The following PSME4 variants were observed in gnomAD, a reference collection of about 807,000 sequenced individuals.
PSME4 encodes proteasome activator complex subunit 4.
A neutral mutation model predicts 253.9 loss-of-function variants in PSME4; 89 were observed. The observed-to-expected ratio is 0.35, with a 90% CI of 0.30 to 0.42. PSME4 has a LOEUF of 0.42. PSME4 is among the 10% of genes least tolerant of loss of function. PSME4 has a pLI of 1.00. For missense variants in PSME4, 2,014 were observed against 2,195.2 expected (o/e 0.92, Z 1.65); for synonymous variants, 851 against 759.2 (o/e 1.12, Z -1.99).
At position 53,900,101 on chromosome 2, in the gene PSME4, G is replaced by GA. The variant is rs1416344914; in HGVS notation, c.3286-85dup. The GA allele has an allele frequency of 2.0e-5, 25 of 1,256,240 alleles. No homozygotes were observed. In the South Asian group the frequency reaches 2.9e-4, roughly 15 times the overall value. 77.8% of individuals were successfully genotyped at this position (1,256,240 alleles called of 1,614,324 possible). A position where few individuals can be genotyped will look rare whatever the true frequency, so the allele number is the denominator to read the frequency against. On this transcript the variant is annotated intron_variant, in intron 28 of 46. Transcript: ENST00000404125. The stretch of plus-strand genomic sequence containing the variant: ...GAACCTTGAAAATGTCATGCTAAGT[G>GA]AAAGAGGCCAGACACAAAAGTCCAC...
rs139295214 is a variant in PSME4 at position 53,895,659 on chromosome 2, T to C, written c.3766A>G (p.Ile1256Val). 7.9e-5 allele frequency: 127 copies of C among 1,613,650 alleles called. No homozygotes were observed. Among genetic ancestry groups the C allele is most frequent in the Non-Finnish European group, 1.0e-4 (120 of 1,179,844 alleles). ...TCCCATTCTTTTTTAGTTCTTGGTA[T>C]AGTTTTGCTGTCATAATGCAACCAA... ...NHWLHYDSKT[I>V]PRTKKEWESS... Residue 1256 changes from isoleucine to valine, a missense_variant, in exon 33 of 47, where the codon ATA becomes GTA. Coordinates refer to ENST00000404125, the MANE Select transcript of PSME4 (RefSeq NM_014614.3).
At chr2:53,885,423 C>T in intron 41 of PSME4, among the ~76,000 whole-genome samples, 1 of 152,168 alleles carries the variant, frequency 6.6e-6, no homozygotes, top group South Asian at 2.1e-4. Flanking sequence ...CTCTAATCTG[C>T]TATTACTCAG....
chr2:53,936,350 T>C (rs948735805), intron 6 of PSME4, among the ~76,000 whole-genome samples, 189 bp from the exon 7 acceptor site: 3 of 152,172 alleles, frequency 2.0e-5, no homozygotes, highest in African/African-American at 7.2e-5. Flanking sequence ...TTAAAATCAG[T>C]TGCAGTTAAA....
chr2:53,874,651 T>C (rs1246501041), intron 42 of PSME4, among the ~76,000 whole-genome samples, 157 bp from the exon 43 acceptor site: 2 of 152,140 alleles, frequency 1.3e-5, no homozygotes, highest in African/African-American at 2.4e-5. Context: ...AAATAAAAGG[T>C]TGAATGAGGC....
At chr2:53,906,455 T>C in intron 26 of PSME4, 143 bp downstream of exon 26, 1 of 1,274,230 alleles carries the variant, frequency 7.8e-7, no homozygotes, top group East Asian at 2.7e-5. Context: ...AGGTAATTAC[T>C]GGAAATTACA....
intron 18 of PSME4, 76 bp downstream of exon 18, chr2:53,920,813 G>GA: frequency 1.6e-6 from 2 of 1,254,288 alleles, no homozygotes; most frequent in South Asian, 1.3e-5. Context: ...ACATATGCAA[G>GA]AAAAAATAAC....
At chr2:53,969,142 A>G (rs1302655014) in intron 1 of PSME4, among the ~76,000 whole-genome samples, 1 of 152,174 alleles carries the variant, frequency 6.6e-6, no homozygotes, top group South Asian at 2.1e-4. Flanking sequence ...AACTATTTAT[A>G]AAATATTCTT....
intron 20 of PSME4, among the ~76,000 whole-genome samples, chr2:53,915,968 G>C (rs539681755): frequency 6.6e-6 from 1 of 152,120 alleles, no homozygotes; most frequent in East Asian, 1.9e-4. Context: ...CTGGCTACTT[G>C]AGAATGTGAG....
chr2:53,898,969 T>C (rs1206210784), intron 29 of PSME4, among the ~76,000 whole-genome samples: 1 of 152,118 alleles, frequency 6.6e-6, no homozygotes, highest in Non-Finnish European at 1.5e-5. Context: ...ATGACTGATG[T>C]GTACCAGTTA....
Position 53,901,428 on chromosome 2 carries a change from C to T in PSME4, c.3207G>A (p.Lys1069=). Residue 1069 remains lysine, a synonymous_variant, in exon 28 of 47, where the codon AAG becomes AAA. Transcript: ENST00000404125. ...SGLSQAMSLE[K]PSIVRLFDDL... ...CATCAAACAATCTCACTATTGATGG[C>T]TTTTCCAGGGACATTGCTTGGCTAA... is the stretch of plus-strand genomic sequence containing the variant. 4 of 1,614,124 alleles carry T rather than the reference C, an allele frequency of 2.5e-6. No homozygotes were observed. The African/African-American group carries it at 4.0e-5, about 16-fold the overall frequency.
At chr2:53,943,437 C>A (rs927060683) in intron 3 of PSME4, among the ~76,000 whole-genome samples, 1 of 152,184 alleles carries the variant, frequency 6.6e-6, no homozygotes, top group African/African-American at 2.4e-5. Context: ...TTATCCATCT[C>A]ATATCTTATC....
chr2:53,934,524 T>C (rs1196780769), intron 8 of PSME4, 81 bp downstream of exon 8: 14 of 1,430,620 alleles, frequency 9.8e-6, no homozygotes, highest in Non-Finnish European at 1.2e-5. Context: ...TATTATCAAC[T>C]TCTGCGACTA....
In PSME4 at chr2:53,892,578, A is replaced by AT. The variant is rs1161967877; in HGVS notation, c.4191+229dup. Among the ~76,000 whole-genome samples, 9 of 152,136 alleles carry AT rather than the reference A, an allele frequency of 5.9e-5. No homozygotes were observed. The East Asian group carries it at 1.4e-3, about 23-fold the overall frequency. On this transcript the variant is annotated intron_variant, in intron 36 of 46. Coordinates refer to ENST00000404125, the MANE Select transcript of PSME4 (RefSeq NM_014614.3). The stretch of plus-strand genomic sequence containing the variant: ...GGAATTCTTTTTTAATTTTTTTTAA[A>AT]TTTTTTCCCCCAATGTGGATAAAAA...
intron 31 of PSME4, among the ~76,000 whole-genome samples, chr2:53,897,259 T>A (rs1250349883): frequency 7.8e-6 from 1 of 128,520 alleles, no homozygotes; most frequent in Non-Finnish European, 1.6e-5. Context: ...AACCTCCCCC[T>A]CCCGGGTTCA....
At chr2:53,937,810 C>G (rs913307100) in intron 4 of PSME4, among the ~76,000 whole-genome samples, 1 of 152,018 alleles carries the variant, frequency 6.6e-6, no homozygotes, top group Admixed American at 6.6e-5. Context: ...TTGGCTTGGG[C>G]AAAATGGCAA....
At chr2:53,913,081 C>T (rs1258007117) in intron 20 of PSME4, among the ~76,000 whole-genome samples, 1 of 152,120 alleles carries the variant, frequency 6.6e-6, no homozygotes, top group African/African-American at 2.4e-5. Context: ...TTTTACAAAC[C>T]ATAGTATCAT....
chr2:53,934,533 T>A (rs1452155062), intron 8 of PSME4, 72 bp downstream of exon 8: 7 of 1,479,222 alleles, frequency 4.7e-6, no homozygotes, highest in Non-Finnish European at 6.4e-6. Context: ...CTTCTGCGAC[T>A]ATCCACAATT....
At chr2:53,912,736 G>C (rs1462454565) in intron 20 of PSME4, among the ~76,000 whole-genome samples, 10 of 152,142 alleles carry the variant, frequency 6.6e-5, no homozygotes, top group Admixed American at 6.5e-4. Context: ...AAAGCACTGG[G>C]ATTACAGGCA....
At chr2:53,936,279 G>C (rs1314840233) in intron 6 of PSME4, 118 bp from the exon 7 acceptor site, 2 of 1,393,112 alleles carry the variant, frequency 1.4e-6, no homozygotes, top group African/African-American at 1.5e-5. Context: ...TACTTAAATA[G>C]ATAGTTTATG....
Sources: gnomAD v4.1 joint callset for allele counts (sites outside exome capture counted in the v4.1 genomes callset) on GRCh38, gnomAD v4.1.1 for gene constraint, MANE v1.5 for transcripts, NCBI Gene and HGNC (gene_info 2026-07-23, HGNC 2026-07-21) for gene names.